PDE4D: variants seen among roughly 807,000 people sequenced by gnomAD.
The protein encoded by PDE4D is phosphodiesterase 4D.
In PDE4D, 24 loss-of-function variants were observed where a neutral mutation model predicts 87.4. The observed-to-expected ratio is 0.27, with a 90% CI of 0.20 to 0.39. The LOEUF is 0.39. Ranked by LOEUF, PDE4D falls within the 10% of genes least tolerant of loss-of-function variation. The pLI, the probability that PDE4D is intolerant of heterozygous loss-of-function variation, is 1.00. For missense variants in PDE4D, 714 were observed against 1,041.0 expected, an observed-to-expected ratio of 0.69 and a Z score of 4.32; for synonymous variants, 384 against 383.2, an observed-to-expected ratio of 1.00 and a Z score of -0.02.
intron 1 of PDE4D, among the ~76,000 whole-genome samples, chr5:59,874,091 T>C (rs1045066541): frequency 2.0e-5 from 3 of 152,042 alleles, no homozygotes; most frequent in Admixed American, 2.0e-4. Flanking sequence ...GATGGCTCCC[T>C]ACGCAGGAGG....
intron 5 of PDE4D, among the ~76,000 whole-genome samples, chr5:59,174,744 T>C (rs1008012599): frequency 2.3e-4 from 35 of 152,274 alleles, no homozygotes; most frequent in African/African-American, 8.4e-4. Context: ...CACCCGAATC[T>C]AATGGTTTAT....
chr5:59,813,215 A>G (rs757655026), intron 1 of PDE4D, among the ~76,000 whole-genome samples: 2 of 152,222 alleles, frequency 1.3e-5, no homozygotes, highest in Non-Finnish European at 2.9e-5. Context: ...GGCAAAGATT[A>G]CTAACCAAGT....
chr5:59,893,139 G>C (rs774318923), intron 1 of PDE4D, 29 bp downstream of exon 1: 3 of 1,540,056 alleles, frequency 1.9e-6, no homozygotes, highest in Admixed American at 2.0e-5. Context: ...CCCTTTGCCT[G>C]AATGGGGGAG....
At chr5:59,087,604 T>C (rs1002270147) in intron 5 of PDE4D, among the ~76,000 whole-genome samples, 1 of 152,186 alleles carries the variant, frequency 6.6e-6, no homozygotes, top group African/African-American at 2.4e-5. Context: ...TTGAGAAAGA[T>C]CATCAAGTGA....
At chr5:59,486,020 CA>C (rs1163493074) in intron 1 of PDE4D, among the ~76,000 whole-genome samples, 1 of 152,060 alleles carries the variant, frequency 6.6e-6, no homozygotes, top group Non-Finnish European at 1.5e-5. Flanking sequence ...CTCATGACAA[CA>C]AGCTTGTAGA....
chr5:60,102,910 C>T (rs2149334942), intron 2 of PDE4D, among the ~76,000 whole-genome samples: 1 of 151,954 alleles, frequency 6.6e-6, no homozygotes, highest in South Asian at 2.1e-4. Context: ...AGGAACCTGT[C>T]CTCACACTAA....
At chr5:59,512,671 T>C (rs1810477503) in intron 1 of PDE4D, among the ~76,000 whole-genome samples, 1 of 152,098 alleles carries the variant, frequency 6.6e-6, no homozygotes, top group Admixed American at 6.6e-5. Context: ...ATTTCCTATT[T>C]CAAAGGAATG....
At position 60,207,244 on chromosome 5, in the gene PDE4D, G is replaced by C. The variant is rs1215531979; in HGVS notation, c.-89-21557C>G. On this transcript the variant is annotated intron_variant, in intron 1 of 16. Coordinates refer to the PDE4D transcript ENST00000502484. Reference sequence around the variant, plus strand: ...AGAGAAACTTCTTGACTAGAGCAGAGGATTTGTTACAGGCAGCTGAGGTAA... The same window carrying C: ...AGAGAAACTTCTTGACTAGAGCAGACGATTTGTTACAGGCAGCTGAGGTAA... Among the ~76,000 whole-genome samples the C allele has an allele frequency of 3.9e-5, 6 of 152,168 alleles. No homozygotes were observed. The East Asian group carries it at 1.2e-3, about 29-fold the overall frequency.
intron 1 of PDE4D, among the ~76,000 whole-genome samples, chr5:59,878,817 A>G (rs1192788704): frequency 6.7e-6 from 1 of 149,836 alleles, no homozygotes; most frequent in Non-Finnish European, 1.5e-5. Flanking sequence ...CATCTGGTTT[A>G]CTGCAATAAA....
intron 1 of PDE4D, among the ~76,000 whole-genome samples, chr5:59,280,855 A>AT (rs910669721): frequency 2.0e-5 from 3 of 150,630 alleles, no homozygotes; most frequent in African/African-American, 4.9e-5. Flanking sequence ...TTTGTAAGAG[A>AT]TTTTTTCCTC....
intron 1 of PDE4D, among the ~76,000 whole-genome samples, chr5:60,280,327 A>ATATAT (rs1444768310): frequency 0.064 from 9,127 of 142,414 alleles, 401 homozygotes; most frequent in South Asian, 0.19. Context: ...TATATATATA[A>ATATAT]ATATATATAC....
At chr5:59,173,245 T>C in intron 5 of PDE4D, among the ~76,000 whole-genome samples, 1 of 152,176 alleles carries the variant, frequency 6.6e-6, no homozygotes, top group Middle Eastern at 3.2e-3. Flanking sequence ...TTTTCACTAT[T>C]CTTAAAACAA....
intron 1 of PDE4D, among the ~76,000 whole-genome samples, chr5:60,436,799 GA>G (rs1487625885): frequency 1.3e-5 from 2 of 151,996 alleles, no homozygotes; most frequent in African/African-American, 4.8e-5. Flanking sequence ...TAGGCTCAAT[GA>G]AGTAATGGGC....
At chr5:59,934,305 T>C (rs775308548) in intron 3 of PDE4D, among the ~76,000 whole-genome samples, 3 of 152,180 alleles carry the variant, frequency 2.0e-5, no homozygotes, top group Admixed American at 1.3e-4. Context: ...AGTTTTGTCA[T>C]TTTTGTGAGG....
intron 1 of PDE4D, among the ~76,000 whole-genome samples, chr5:60,395,727 G>A (rs1481187465): frequency 6.6e-6 from 1 of 150,426 alleles, no homozygotes; most frequent in African/African-American, 2.4e-5. Flanking sequence ...TCTACACTGT[G>A]TTCTGTTAAT....
At chr5:60,038,445 C>G (rs988828418) in intron 2 of PDE4D, among the ~76,000 whole-genome samples, 1 of 151,992 alleles carries the variant, frequency 6.6e-6, no homozygotes, top group South Asian at 2.1e-4. Context: ...AGATATGCGG[C>G]GTTATTTCTG....
chr5:59,919,055 G>A (rs1309257612), intron 3 of PDE4D, among the ~76,000 whole-genome samples: 2 of 152,102 alleles, frequency 1.3e-5, no homozygotes, highest in Non-Finnish European at 2.9e-5. Flanking sequence ...CAAACAAACT[G>A]GCTTTTTGTG....
At chr5:59,544,879 A>C (rs558433315) in intron 1 of PDE4D, among the ~76,000 whole-genome samples, 2 of 152,304 alleles carry the variant, frequency 1.3e-5, no homozygotes, top group South Asian at 2.1e-4. Context: ...GGATTAGTTT[A>C]TTTCTTTCAA....
intron 1 of PDE4D, among the ~76,000 whole-genome samples, chr5:59,312,934 T>TG (rs2153566908): frequency 6.6e-6 from 1 of 152,214 alleles, no homozygotes; most frequent in East Asian, 1.9e-4. Flanking sequence ...ATTTTCCAAA[T>TG]GGGCCAAATG....
Sources: gnomAD v4.1 joint callset for allele counts (sites outside exome capture counted in the v4.1 genomes callset) on GRCh38, gnomAD v4.1.1 for gene constraint, MANE v1.5 for transcripts, NCBI Gene and HGNC (gene_info 2026-07-23, HGNC 2026-07-21) for gene names.